The following ARHGAP15 variants were observed in gnomAD, a reference collection of about 807,000 sequenced individuals.
The protein encoded by ARHGAP15 is Rho GTPase activating protein 15, also known as rho GTPase-activating protein 15.
A neutral mutation model predicts 63.7 loss-of-function variants in ARHGAP15; 51 were observed. The observed-to-expected ratio is 0.80, with a 90% CI of 0.64 to 1.01. The LOEUF is 1.01. Ranked by LOEUF, ARHGAP15 falls within the 50% of genes least tolerant of loss-of-function variation. ARHGAP15 has a pLI of 0.00. For synonymous variants in ARHGAP15, 191 were observed against 193.8 expected, an observed-to-expected ratio of 0.99 and a Z score of 0.12; for missense variants, 560 against 564.6, an observed-to-expected ratio of 0.99 and a Z score of 0.08.
intron 11 of ARHGAP15, chr2:143,597,889 AGATCAAGATACTAGCAT>A (rs1697585543): frequency 6.6e-6 from 1 of 152,162 alleles, no homozygotes; most frequent in Admixed American, 6.6e-5. Flanking sequence ...GGGAAGTCCA[AGATCAAGATACTAGCAT>A]CTAGTGAGGG....
Position 143,218,277 on chromosome 2 carries a change from C to CTTTTTTTT in ARHGAP15, c.296+1847_296+1854dup, listed in dbSNP as rs762494225. Among the ~76,000 whole-genome samples, 581 of 92,018 alleles carry CTTTTTTTT rather than the reference C, an allele frequency of 6.3e-3. 3 individuals are homozygous for CTTTTTTTT. The highest frequency in any genetic ancestry group is 7.9e-3 in the East Asian group (23 of 2,904). 60.4% of individuals were successfully genotyped at this position (92,018 alleles called of 152,430 possible). On this transcript the variant is annotated intron_variant, in intron 4 of 13. Coordinates refer to ENST00000295095, the MANE Select transcript of ARHGAP15 (RefSeq NM_018460.4). ...CTTAAAGTTATATGTTTTAGTTTTC[C>CTTTTTTTT]TTTTTTTTTTTTTTTTTTTTTTGTT...
At chr2:143,719,494 C>T (rs1359552731) in intron 13 of ARHGAP15, among the ~76,000 whole-genome samples, 1 of 152,190 alleles carries the variant, frequency 6.6e-6, no homozygotes, top group Admixed American at 6.5e-5. Context: ...TCTTTGATAA[C>T]AGCACAACTC....
At chr2:143,417,782 T>C (rs17826342) in intron 6 of ARHGAP15, among the ~76,000 whole-genome samples, 15,129 of 152,230 alleles carry the variant, frequency 0.099, 974 homozygotes, top group South Asian at 0.17. Context: ...TTAGACATTA[T>C]AAAGATGTAA....
intron 6 of ARHGAP15, among the ~76,000 whole-genome samples, chr2:143,315,885 G>T (rs1683679434): frequency 7.0e-6 from 1 of 141,928 alleles, no homozygotes; most frequent in Non-Finnish European, 1.5e-5. Context: ...AGGAGTTCAA[G>T]ATCAGCCTGG....
At chr2:143,250,677 A>G in intron 6 of ARHGAP15, 77 bp downstream of exon 6, 2 of 1,202,572 alleles carry the variant, frequency 1.7e-6, no homozygotes, top group Non-Finnish European at 2.4e-6. Context: ...AAATAAGACT[A>G]CCTTCTTGTG....
chr2:143,441,074 C>T (rs1415495616), intron 8 of ARHGAP15, among the ~76,000 whole-genome samples: 1 of 152,012 alleles, frequency 6.6e-6, no homozygotes, highest in Non-Finnish European at 1.5e-5. Context: ...ATACTTAGCT[C>T]ATAGCAGGCA....
chr2:143,760,229 A>G (rs995787675), intron 13 of ARHGAP15, among the ~76,000 whole-genome samples: 1 of 152,206 alleles, frequency 6.6e-6, no homozygotes, highest in Non-Finnish European at 1.5e-5. Context: ...TTTCTCTAAT[A>G]GAATGCGTTT....
chr2:143,450,932 C>T (rs1424788148), intron 8 of ARHGAP15, among the ~76,000 whole-genome samples: 1 of 151,884 alleles, frequency 6.6e-6, no homozygotes, highest in Non-Finnish European at 1.5e-5. Flanking sequence ...TTTCAGTGGG[C>T]TAATCCCCTT....
At chr2:143,350,098 G>A (rs1486568037) in intron 6 of ARHGAP15, among the ~76,000 whole-genome samples, 1 of 151,964 alleles carries the variant, frequency 6.6e-6, no homozygotes, top group African/African-American at 2.4e-5. Context: ...CCTAAAAATG[G>A]AGAGAGTATA....
chr2:143,449,762 T>A (rs1466622725), intron 8 of ARHGAP15, among the ~76,000 whole-genome samples: 1 of 152,092 alleles, frequency 6.6e-6, no homozygotes, highest in Non-Finnish European at 1.5e-5. Flanking sequence ...TTTCACTTAC[T>A]GGGAAGAACT....
chr2:143,738,539 C>T (rs1378066808), intron 13 of ARHGAP15, among the ~76,000 whole-genome samples: 1 of 152,180 alleles, frequency 6.6e-6, no homozygotes, highest in African/African-American at 2.4e-5. Context: ...CTTCGAACAT[C>T]ATGGAGACTA....
At chr2:143,189,541 C>T (rs1407784583) in intron 2 of ARHGAP15, among the ~76,000 whole-genome samples, 1 of 147,892 alleles carries the variant, frequency 6.8e-6, no homozygotes, top group Non-Finnish European at 1.5e-5. Context: ...TTCCTCATTG[C>T]AACCTCCCCT....
intron 6 of ARHGAP15, among the ~76,000 whole-genome samples, chr2:143,268,173 T>C (rs1681091028): frequency 6.7e-6 from 1 of 149,986 alleles, no homozygotes; most frequent in South Asian, 2.2e-4. Flanking sequence ...TTATAGAGTG[T>C]AGTTTTTTTT....
chr2:143,659,414 T>A (rs995074531), intron 12 of ARHGAP15, among the ~76,000 whole-genome samples: 21 of 152,268 alleles, frequency 1.4e-4, no homozygotes, highest in South Asian at 8.3e-4. Context: ...TTAAATTTTT[T>A]TAAAAAAAAT....
intron 6 of ARHGAP15, among the ~76,000 whole-genome samples, chr2:143,259,026 T>C (rs5012564): frequency 0.22 from 33,384 of 151,672 alleles, 3,892 homozygotes; most frequent in South Asian, 0.35. Flanking sequence ...TGGTCTTTTT[T>C]TTTTTCTTGA....
intron 13 of ARHGAP15, among the ~76,000 whole-genome samples, chr2:143,754,877 C>T (rs1422397258): frequency 1.3e-5 from 2 of 152,200 alleles, no homozygotes; most frequent in Non-Finnish European, 2.9e-5. Flanking sequence ...GCTTTTGAAA[C>T]TCAAAAACAC....
intron 8 of ARHGAP15, among the ~76,000 whole-genome samples, chr2:143,472,276 AT>A (rs1176688861): frequency 6.6e-6 from 1 of 151,986 alleles, no homozygotes; most frequent in Non-Finnish European, 1.5e-5. Context: ...ATTTCTATAT[AT>A]TTTTTTAAAA....
At chr2:143,258,999 TAGAA>T (rs1680571594) in intron 6 of ARHGAP15, among the ~76,000 whole-genome samples, 1 of 149,746 alleles carries the variant, frequency 6.7e-6, no homozygotes, top group Admixed American at 6.7e-5. Context: ...CCAAGTAACT[TAGAA>T]AGACCTTGAT....
At chr2:143,625,396 A>T (rs1332166265) in intron 12 of ARHGAP15, among the ~76,000 whole-genome samples, 1 of 152,154 alleles carries the variant, frequency 6.6e-6, no homozygotes, top group Non-Finnish European at 1.5e-5. Context: ...TATCAAGAAA[A>T]AGAAGAAATT....
Sources: gnomAD v4.1 joint callset for allele counts (sites outside exome capture counted in the v4.1 genomes callset) on GRCh38, gnomAD v4.1.1 for gene constraint, MANE v1.5 for transcripts, NCBI Gene and HGNC (gene_info 2026-07-23, HGNC 2026-07-21) for gene names.